The following ASCC3 variants were observed in gnomAD, a reference collection of about 807,000 sequenced individuals.
ASCC3 encodes activating signal cointegrator 1 complex subunit 3.
In ASCC3, 158 loss-of-function variants were observed where a neutral mutation model predicts 256.3. The observed-to-expected ratio is 0.62, with a 90% CI of 0.54 to 0.70. ASCC3 has a LOEUF of 0.70. ASCC3 is among the 30% of genes least tolerant of loss of function. The pLI is 0.00. For synonymous variants in ASCC3, 948 were observed against 883.4 expected, an observed-to-expected ratio of 1.07 and a Z score of -1.30; for missense variants, 2,259 against 2,626.0, an observed-to-expected ratio of 0.86 and a Z score of 3.05.
chr6:100,576,097 A>C (rs1257945548), intron 36 of ASCC3, among the ~76,000 whole-genome samples: 1 of 152,056 alleles, frequency 6.6e-6, no homozygotes, highest in Non-Finnish European at 1.5e-5. Flanking sequence ...TAAATGCTTC[A>C]ATAACTAGGA....
rs201095436 is a variant in ASCC3 at position 100,642,171 on chromosome 6, A to AC, written c.3901+409_3901+410insG. Among the ~76,000 whole-genome samples the AC allele has an allele frequency of 7.2e-4, 109 of 152,260 alleles. 3 individuals carry two copies. In the East Asian group the frequency reaches 0.021, roughly 29 times the overall value. On this transcript the variant is annotated intron_variant, in intron 24 of 41. Coordinates refer to ENST00000369162, the MANE Select transcript of ASCC3 (RefSeq NM_006828.4). ...TAAAAGTTAAAGTATTAAAAAAAAA[A>AC]AAAACTAATATAAAGGGTAGATGTT...
chr6:100,630,798 C>A lies in ASCC3; in HGVS notation c.4208+330G>T, dbSNP rs1302841399. ...TTTCTGGAAGCTACTCTGCAAAATA[C>A]GAAAAAAATAGAGAGGCAGAACTTA... On this transcript the variant is annotated intron_variant, in intron 26 of 41. Transcript: ENST00000369162. Among the ~76,000 whole-genome samples, 5 of 151,476 alleles carry A rather than the reference C, an allele frequency of 3.3e-5. No individual in the cohort carries two copies. The East Asian group carries it at 9.7e-4, about 29-fold the overall frequency.
Position 100,845,149 on chromosome 6 carries a change from C to T in ASCC3, c.801+2999G>A, listed in dbSNP as rs1404230602. Among the ~76,000 whole-genome samples, 7 of 152,002 alleles carry T rather than the reference C, an allele frequency of 4.6e-5. No individual in the cohort carries two copies. The South Asian group carries it at 6.2e-4, about 13-fold the overall frequency. On this transcript the variant is annotated intron_variant, in intron 4 of 41. Transcript: ENST00000369162. ...GTACAAATCTACTTAAACTTCAGTG[C>T]GCCTGTGTACTTTGTCAGAATGTCT...
At chr6:100,585,370 A>G (rs1771592098) in intron 36 of ASCC3, among the ~76,000 whole-genome samples, 1 of 152,136 alleles carries the variant, frequency 6.6e-6, no homozygotes, top group Admixed American at 6.5e-5. Context: ...AGTTGATCAC[A>G]TCGGCTCCTG....
intron 36 of ASCC3, among the ~76,000 whole-genome samples, chr6:100,581,589 T>G (rs551729522): frequency 6.6e-6 from 1 of 151,436 alleles, no homozygotes; most frequent in East Asian, 1.9e-4. Context: ...TTAGTTTAAT[T>G]AGATCCCATT....
At position 100,868,131 on chromosome 6, in the gene ASCC3, A is replaced by C. The variant is rs568791921; in HGVS notation, c.-41-93T>G. 4.3e-6 allele frequency: 3 copies of C among 704,820 alleles called. No individual in the cohort carries two copies. In the African/African-American group the frequency reaches 5.4e-5, roughly 13 times the overall value. 43.7% of individuals were successfully genotyped at this position (704,820 alleles called of 1,614,324 possible). A position where few individuals can be genotyped will look rare whatever the true frequency, so the allele number is the denominator to read the frequency against. On this transcript the variant is annotated intron_variant, in intron 1 of 41. Transcript: ENST00000369162. ...TAGCTTGTACAAGAGAAAAAAGGAA[A>C]AAATTGGTTAAAAAGCAATTGTTAT...
At chr6:100,682,659 TATG>T (rs1285775528) in intron 13 of ASCC3, among the ~76,000 whole-genome samples, 3 of 152,230 alleles carry the variant, frequency 2.0e-5, no homozygotes, top group Middle Eastern at 3.2e-3. Flanking sequence ...CCAGGAATAC[TATG>T]ATAACTATGT....
chr6:100,570,125 T>G (rs1770511782), intron 36 of ASCC3, among the ~76,000 whole-genome samples: 1 of 152,202 alleles, frequency 6.6e-6, no homozygotes. Context: ...TTTTGTACAC[T>G]GAGTTTGTAT....
At chr6:100,608,335 T>G (rs1240235972) in intron 30 of ASCC3, among the ~76,000 whole-genome samples, 1 of 104,564 alleles carries the variant, frequency 9.6e-6, no homozygotes, top group South Asian at 2.9e-4. Context: ...ACCTTATATA[T>G]GTATACCTTA....
At chr6:100,645,071 T>C (rs1221377577) in intron 22 of ASCC3, among the ~76,000 whole-genome samples, 1 of 152,184 alleles carries the variant, frequency 6.6e-6, no homozygotes, top group African/African-American at 2.4e-5. Context: ...TTTTCCATTC[T>C]TGAAGCCAAC....
chr6:100,685,558 G>A (rs1451313755), intron 13 of ASCC3, among the ~76,000 whole-genome samples: 1 of 152,148 alleles, frequency 6.6e-6, no homozygotes, highest in Non-Finnish European at 1.5e-5. Flanking sequence ...GTTAAAATAG[G>A]AGAATCCTGT....
In ASCC3 at chr6:100,814,456, T is replaced by C. The variant is rs377756408; in HGVS notation, c.802-8576A>G. ...TGGTATCAGGATGATGCTGGCCTCA[T>C]AGAATTAGTTAGGGAGGAGTCCCTC... is the stretch of plus-strand genomic sequence containing the variant. On this transcript the variant is annotated intron_variant, in intron 4 of 41. Coordinates refer to ENST00000369162, the MANE Select transcript of ASCC3 (RefSeq NM_006828.4). Among the ~76,000 whole-genome samples, 76 of 152,268 alleles carry C rather than the reference T, an allele frequency of 5.0e-4. No individual in the cohort carries two copies. In the East Asian group the frequency reaches 0.011, roughly 21 times the overall value.
At chr6:100,878,075 A>G (rs535739978) in intron 1 of ASCC3, among the ~76,000 whole-genome samples, 3 of 152,292 alleles carry the variant, frequency 2.0e-5, no homozygotes, top group Non-Finnish European at 4.4e-5. Context: ...AATCTTAGCT[A>G]TTCACAGTTT....
At chr6:100,630,752 T>A (rs974291839) in intron 26 of ASCC3, among the ~76,000 whole-genome samples, 1 of 152,040 alleles carries the variant, frequency 6.6e-6, no homozygotes, top group Non-Finnish European at 1.5e-5. Context: ...ATAATTTACA[T>A]GCAAAATGCC....
Position 100,868,041 on chromosome 6 carries a change from G to C in ASCC3, c.-41-3C>G. ...TCCATACAGCAAGAAACCTGAAACT[G>C]AAACAAAACAAGATGATATTTATCT... is the stretch of plus-strand genomic sequence containing the variant. On this transcript the variant is annotated splice_region_variant and splice_polypyrimidine_tract_variant and intron_variant, in intron 1 of 41. Coordinates refer to ENST00000369162, the MANE Select transcript of ASCC3 (RefSeq NM_006828.4). 1.4e-6 allele frequency: 2 copies of C among 1,403,610 alleles called. No homozygotes were observed. Among genetic ancestry groups the C allele is most frequent in the Non-Finnish European group, 2.0e-6 (2 of 991,398 alleles). The allele number at this position is 1,403,610 out of a possible 1,614,324, so 86.9% of individuals were successfully genotyped here.
At chr6:100,564,317 TCTAA>T (rs552805037) in intron 36 of ASCC3, among the ~76,000 whole-genome samples, 119 of 152,220 alleles carry the variant, frequency 7.8e-4, no homozygotes, top group African/African-American at 2.6e-3. Context: ...ACTCATTCTA[TCTAA>T]CTGTGTTTGT....
intron 36 of ASCC3, among the ~76,000 whole-genome samples, chr6:100,572,321 C>T (rs935190387): frequency 2.0e-5 from 3 of 152,064 alleles, no homozygotes; most frequent in African/African-American, 7.2e-5. Flanking sequence ...GGAGAAAGGC[C>T]CTCACCAAAC....
In ASCC3 at chr6:100,651,609, C is replaced by T. The variant is rs754714195; in HGVS notation, c.3026G>A (p.Gly1009Asp). ...NELFDAHKTE[G>D]DIFAIVSKAE... ...TTTGGAGACTATGGCAAAGATATCA[C>T]CTTCTGTTTTGTGAGCATCAAAGAG... is the stretch of plus-strand genomic sequence containing the variant. Residue 1009 changes from glycine to aspartate, a missense_variant, in exon 19 of 42, where the codon GGT (glycine) becomes GAT (aspartate). By Grantham distance (94) the Gly-to-Asp change is moderately conservative. Transcript: ENST00000369162. 4.4e-6 allele frequency: 7 copies of T among 1,589,176 alleles called. No homozygotes were observed. The highest frequency in any genetic ancestry group is 6.0e-6 in the Non-Finnish European group (7 of 1,165,466).
At chr6:100,734,253 G>A (rs1016605828) in intron 10 of ASCC3, among the ~76,000 whole-genome samples, 1 of 152,096 alleles carries the variant, frequency 6.6e-6, no homozygotes, top group Non-Finnish European at 1.5e-5. Context: ...GGAAAACACT[G>A]ACTGAAGATT....
Sources: gnomAD v4.1 joint callset for allele counts (sites outside exome capture counted in the v4.1 genomes callset) on GRCh38, gnomAD v4.1.1 for gene constraint, MANE v1.5 for transcripts, NCBI Gene and HGNC (gene_info 2026-07-23, HGNC 2026-07-21) for gene names.